The following PTPN13 variants were observed in gnomAD, a reference collection of about 807,000 sequenced individuals.
PTPN13 encodes the protein protein tyrosine phosphatase non-receptor type 13, also known as tyrosine-protein phosphatase non-receptor type 13.
In PTPN13, 191 loss-of-function variants were observed where a neutral mutation model predicts 284.0. The ratio of observed to expected loss-of-function variants is 0.67; its 90% CI spans 0.60 to 0.76. The LOEUF (loss-of-function observed/expected upper bound fraction) is 0.76. Among genes scored for constraint, PTPN13 ranks in the 30% least tolerant of loss-of-function variants. The pLI, the probability that PTPN13 is intolerant of heterozygous loss-of-function variation, is 0.00. For synonymous variants in PTPN13, 986 were observed against 1,022.3 expected, an observed-to-expected ratio of 0.96 and a Z score of 0.68; for missense variants, 2,797 against 2,939.9, an observed-to-expected ratio of 0.95 and a Z score of 1.12.
chr4:86,689,022 T>G lies in PTPN13; in HGVS notation c.378T>G (p.Asp126Glu), dbSNP rs1215198075. ...ATATTCAGCCTATTAAGCTTGGAGATCATCTCAACAGCATACTGCTTGGAA... is the reference window on the plus strand; with the variant it reads ...ATATTCAGCCTATTAAGCTTGGAGAGCATCTCAACAGCATACTGCTTGGAA... ...VPQSQPIKLGDHLNSILLGMC... is the reference protein window; with the variant it reads ...VPQSQPIKLGEHLNSILLGMC... The change falls in exon 5 of 48, where the codon GAT becomes GAG. Residue 126 changes from aspartate (D) to glutamate (E), a missense_variant. Transcript: ENST00000411767. The G allele has an allele frequency of 3.8e-6, 6 of 1,565,720 alleles. No individual in the cohort carries two copies. Among genetic ancestry groups the G allele is most frequent in the Non-Finnish European group, 3.5e-6 (4 of 1,136,216 alleles).
At position 86,688,422 on chromosome 4, in the gene PTPN13, C is replaced by T. The variant is rs72872216; in HGVS notation, c.361-583C>T. ...TTAGTGAATAATGACATTGGCCACC[C>T]TTTCATATGCTCTTTGGCCATTCAG... On this transcript the variant is annotated intron_variant, in intron 4 of 47. Coordinates refer to ENST00000411767, the MANE Select transcript of PTPN13 (RefSeq NM_080683.3). 2.8e-3 allele frequency among the ~76,000 whole-genome samples: 420 copies of T among 151,760 alleles called. 4 individuals are homozygous for T. Among genetic ancestry groups the T allele is most frequent in the African/African-American group, 9.6e-3 (398 of 41,440 alleles).
At chr4:86,737,721 A>T (rs555759745) in intron 15 of PTPN13, among the ~76,000 whole-genome samples, 42 of 151,254 alleles carry the variant, frequency 2.8e-4, no homozygotes, top group African/African-American at 9.0e-4. Flanking sequence ...GGCTTCTTTC[A>T]CTTAGAATAA....
chr4:86,726,614 G>A (rs1734282405), intron 10 of PTPN13, among the ~76,000 whole-genome samples: 1 of 149,174 alleles, frequency 6.7e-6, no homozygotes, highest in Non-Finnish European at 1.5e-5. Flanking sequence ...TTGGCTGTTT[G>A]TCTGTTATTG....
At chr4:86,627,189 G>T (rs761380641) in intron 1 of PTPN13, among the ~76,000 whole-genome samples, 2 of 152,040 alleles carry the variant, frequency 1.3e-5, no homozygotes, top group African/African-American at 2.4e-5. Flanking sequence ...TACAAAGTTG[G>T]TTACCAAGGG....
intron 1 of PTPN13, among the ~76,000 whole-genome samples, chr4:86,619,414 C>A (rs1720964794): frequency 6.6e-6 from 1 of 152,078 alleles, no homozygotes; most frequent in Non-Finnish European, 1.5e-5. Context: ...TTTGATATTA[C>A]CAATTTCCAT....
intron 14 of PTPN13, 141 bp downstream of exon 14, chr4:86,735,016 G>A (rs1735345545): frequency 2.2e-6 from 2 of 901,798 alleles, no homozygotes; most frequent in South Asian, 1.9e-5. Context: ...GAATGACCAA[G>A]CACTCCATGT....
intron 40 of PTPN13, among the ~76,000 whole-genome samples, chr4:86,789,571 A>G (rs1742376561): frequency 6.6e-6 from 1 of 152,182 alleles, no homozygotes. Context: ...TTCGTCCTAG[A>G]TCAAGGAGAT....
chr4:86,731,741 AC>A (rs1734980431), intron 10 of PTPN13, among the ~76,000 whole-genome samples: 1 of 152,130 alleles, frequency 6.6e-6, no homozygotes, highest in Non-Finnish European at 1.5e-5. Context: ...ACTCATGGGC[AC>A]AAGTTATCCT....
intron 4 of PTPN13, 138 bp downstream of exon 4, chr4:86,686,913 AT>A: frequency 1.6e-6 from 1 of 644,262 alleles, no homozygotes; most frequent in Non-Finnish European, 2.7e-6. Flanking sequence ...GTTTGTTTAC[AT>A]TAATAATGTC....
In PTPN13 at chr4:86,758,852, A is replaced by G; in HGVS notation, c.3421+67A>G. 3 of 1,585,010 alleles carry G rather than the reference A, an allele frequency of 1.9e-6. No individual in the cohort carries two copies. The South Asian group carries it at 3.4e-5, about 18-fold the overall frequency. On this transcript the variant is annotated intron_variant, in intron 22 of 47. Transcript: ENST00000411767. ...GCATGAATTTAGGAACTTAGGCCAA[A>G]CTAAAATAATTGAGAAAGAGATGAT...
In PTPN13 at chr4:86,692,419, C is replaced by G. The variant is rs1730124170; in HGVS notation, c.547-1168C>G. Reference sequence around the variant, plus strand: ...ATACCACCTTAGATGGGTTTTTAATCCATACTTCAGCAAAATTCACTAATG... The same window carrying G: ...ATACCACCTTAGATGGGTTTTTAATGCATACTTCAGCAAAATTCACTAATG... On this transcript the variant is annotated intron_variant, in intron 5 of 47. Transcript: ENST00000411767. Among the ~76,000 whole-genome samples, 4 of 152,104 alleles carry G rather than the reference C, an allele frequency of 2.6e-5. No homozygotes were observed. In the South Asian group the frequency reaches 8.3e-4, roughly 32 times the overall value.
At chr4:86,802,265 C>T (rs1744119292) in intron 42 of PTPN13, among the ~76,000 whole-genome samples, 1 of 151,862 alleles carries the variant, frequency 6.6e-6, no homozygotes, top group Admixed American at 6.6e-5. Flanking sequence ...CTCACTGTAA[C>T]AGAGTTCTGT....
rs2149390455 is a variant in PTPN13, at chr4:86,809,825, T to C, written c.7140T>C (p.Asp2380=). 6.2e-7 allele frequency: 1 copy of C among 1,614,068 alleles called. No homozygotes were observed. The highest frequency in any genetic ancestry group is 8.5e-7 in the Non-Finnish European group (1 of 1,179,914). ...ATTTCACTGCCTGGCCAGACCATGA[T>C]ACACCTTCTCAACCAGATGATCTGC... ...HLNFTAWPDH[D]TPSQPDDLLT... The change falls in exon 46 of 48, where the codon GAT becomes GAC. Residue 2380 remains aspartate, a synonymous_variant. Transcript: ENST00000411767.
At chr4:86,763,302 A>G (rs1221602567) in intron 24 of PTPN13, 112 bp downstream of exon 24, 6 of 955,606 alleles carry the variant, frequency 6.3e-6, no homozygotes, top group Admixed American at 2.5e-5. Flanking sequence ...TGGAAAAAAG[A>G]AATAGTTTAT....
At chr4:86,610,725 G>T (rs1337693479) in intron 1 of PTPN13, among the ~76,000 whole-genome samples, 2 of 152,174 alleles carry the variant, frequency 1.3e-5, no homozygotes, top group African/African-American at 4.8e-5. Context: ...GTAGGCTGTT[G>T]TCCTATAGGC....
intron 15 of PTPN13, among the ~76,000 whole-genome samples, chr4:86,738,480 T>C (rs186725260): frequency 6.6e-6 from 1 of 152,328 alleles, no homozygotes; most frequent in East Asian, 1.9e-4. Flanking sequence ...ACCAATCTTT[T>C]CATGTGTTTA....
intron 44 of PTPN13, among the ~76,000 whole-genome samples, chr4:86,807,167 G>A (rs1321654103): frequency 2.0e-5 from 3 of 152,010 alleles, no homozygotes; most frequent in South Asian, 2.1e-4. Flanking sequence ...TTGCCTTTCA[G>A]TGCTATTATT....
rs1365215993 is a variant in PTPN13 at position 86,805,497 on chromosome 4, TC to T, written c.6745+129del. The T allele has an allele frequency of 6.1e-6, 3 of 489,968 alleles. No individual in the cohort carries two copies. In the Admixed American group the frequency reaches 1.2e-4, roughly 20 times the overall value. The allele number at this position is 489,968 out of a possible 1,614,324, so 30.4% of individuals were successfully genotyped here. On this transcript the variant is annotated intron_variant, in intron 44 of 47. Coordinates refer to ENST00000411767, the MANE Select transcript of PTPN13 (RefSeq NM_080683.3). Reference sequence around the variant, plus strand: ...ATGTGCATACATTCACAGATTTATATCAGTAACAAATACATTGAAATATTCC... The same window carrying T: ...ATGTGCATACATTCACAGATTTATATAGTAACAAATACATTGAAATATTCC...
intron 28 of PTPN13, among the ~76,000 whole-genome samples, chr4:86,769,530 C>T (rs1458981486): frequency 6.6e-6 from 1 of 152,142 alleles, no homozygotes; most frequent in Non-Finnish European, 1.5e-5. Context: ...ACTTTCAGAA[C>T]TCTCCTTCCT....
Sources: allele counts gnomAD v4.1 joint callset (sites outside exome capture counted in the v4.1 genomes callset), GRCh38; gene constraint gnomAD v4.1.1; transcripts MANE v1.5; gene names NCBI Gene and HGNC (gene_info 2026-07-23, HGNC 2026-07-21).